The following KIF7 variants were observed in gnomAD, a reference collection of about 807,000 sequenced individuals.
KIF7 encodes kinesin-like protein KIF7.
A neutral mutation model predicts 135.7 loss-of-function variants in KIF7; 104 were observed. The observed-to-expected ratio is 0.77, with a 90% CI of 0.65 to 0.90. KIF7 has a LOEUF of 0.90. KIF7 is among the 40% of genes least tolerant of loss of function. The probability of loss-of-function intolerance (pLI) is 0.00; values close to 1 mark genes in which losing one functional copy is unlikely to be tolerated. For synonymous variants in KIF7, 883 were observed against 809.4 expected (o/e 1.09, Z -1.54); for missense variants, 2,005 against 1,839.1 (o/e 1.09, Z -1.65).
At chr15:89,647,187 C>CAT in intron 6 of KIF7, 130 bp from the exon 7 acceptor site, 2 of 773,410 alleles carry the variant, frequency 2.6e-6, no homozygotes, top group Non-Finnish European at 4.4e-6. Flanking sequence ...AAATACTCCT[C>CAT]TCCTCCCCAA....
intron 18 of KIF7, 24 bp downstream of exon 18, chr15:89,628,952 C>G: frequency 6.2e-7 from 1 of 1,613,950 alleles, no homozygotes; most frequent in Non-Finnish European, 8.5e-7. Context: ...ACAGGTCTGA[C>G]TTCAGAGCGC....
At chr15:89,631,168 C>T (rs531307508) in intron 15 of KIF7, 1 of 350,314 alleles carries the variant, frequency 2.9e-6, no homozygotes, top group East Asian at 5.3e-5. Context: ...ATGAGGTGCA[C>T]TGAGTATGCG....
chr15:89,617,794 C>T (rs551772662), intron 2 of KIF7, among the ~76,000 whole-genome samples: 4 of 151,008 alleles, frequency 2.6e-5, no homozygotes, highest in South Asian at 2.1e-4. Context: ...CGGGTTCAAG[C>T]GATTCTCTTG....
intron 1 of KIF7, among the ~76,000 whole-genome samples, chr15:89,618,951 A>G (rs988703193): frequency 1.3e-5 from 2 of 152,174 alleles, no homozygotes; most frequent in African/African-American, 4.8e-5. Context: ...GAGCAAGACC[A>G]TGTCTCTAAA....
In KIF7 at chr15:89,649,721, A is replaced by C; in HGVS notation, c.529+20T>G. 1.3e-6 allele frequency: 2 copies of C among 1,550,456 alleles called. No homozygotes were observed. Among genetic ancestry groups the C allele is most frequent in the Non-Finnish European group, 1.7e-6 (2 of 1,146,142 alleles). ...CCCCTAAGCCCCTCTCCGTCAGTGG[A>C]GGACCCCAGAGTTCCTCACCAACAT... On this transcript the variant is annotated intron_variant, in intron 3 of 18. Coordinates refer to ENST00000394412, the MANE Select transcript of KIF7 (RefSeq NM_198525.3).
Position 89,652,062 on chromosome 15 carries a change from T to C in KIF7, c.328+541A>G, listed in dbSNP as rs146002794. Among the ~76,000 whole-genome samples, 312 of 152,302 alleles carry C rather than the reference T, an allele frequency of 2.0e-3. 2 individuals carry two copies. The highest frequency in any genetic ancestry group is 7.3e-3 in the African/African-American group (303 of 41,562). ...CCCAGTCTATGGTATTCTGTTATAGTGAAGGGAGCAGAGCAAGGCAGTAAC... is the reference window on the plus strand; with the variant it reads ...CCCAGTCTATGGTATTCTGTTATAGCGAAGGGAGCAGAGCAAGGCAGTAAC... On this transcript the variant is annotated intron_variant, in intron 2 of 18. Transcript: ENST00000394412.
intron 10 of KIF7, among the ~76,000 whole-genome samples, chr15:89,644,076 T>C (rs112455131): frequency 1.3e-5 from 2 of 152,038 alleles, no homozygotes; most frequent in Admixed American, 6.6e-5. Flanking sequence ...GTAAAACAAC[T>C]GTGGAAAACT....
Position 89,642,519 on chromosome 15 carries a change from C to G in KIF7, c.2192-114G>C, listed in dbSNP as rs1963942721. 6 of 729,934 alleles carry G rather than the reference C, an allele frequency of 8.2e-6. No individual in the cohort carries two copies. The South Asian group carries it at 1.1e-4, about 13-fold the overall frequency. The allele number at this position is 729,934 out of a possible 1,614,324, so 45.2% of individuals were successfully genotyped here. The stretch of plus-strand genomic sequence containing the variant: ...GGACACCTGTGTGGGTTTCACCAAG[C>G]CTTTGCACCACCAGTACCACAGTTT... On this transcript the variant is annotated intron_variant, in intron 10 of 18. Transcript: ENST00000394412.
Position 89,652,794 on chromosome 15 carries a change from C to T in KIF7, c.137G>A (p.Arg46His), listed in dbSNP as rs959891471. Residue 46 changes from arginine to histidine, a missense_variant, in exon 2 of 19, where the codon CGC (arginine) becomes CAC (histidine). Arg to His is a conservative substitution (Grantham distance 29). Transcript: ENST00000394412. ...SCLQVEPGLG[R>H]VTLGRDRHFG... ...GTGTCGGTCACGGCCCAGAGTGACG[C>T]GGCCAAGCCCTGGCTCCACCTGCAG... The T allele has an allele frequency of 2.3e-5, 36 of 1,551,152 alleles. No individual in the cohort carries two copies. The Admixed American group carries it at 2.4e-4, about 10-fold the overall frequency.
chr15:89,631,781 G>A, intron 14 of KIF7, 71 bp from the exon 15 acceptor site: 1 of 1,336,458 alleles, frequency 7.5e-7, no homozygotes. Context: ...GAAAGGGCCG[G>A]ATGTTAAGGA....
At chr15:89,640,759 G>A (rs1407483591) in intron 11 of KIF7, among the ~76,000 whole-genome samples, 2 of 151,052 alleles carry the variant, frequency 1.3e-5, no homozygotes, top group East Asian at 3.9e-4. Context: ...GCCAAGATAA[G>A]TGGATCACCT....
chr15:89,622,162 T>G (rs1397559998), intron 1 of KIF7, among the ~76,000 whole-genome samples: 1 of 152,084 alleles, frequency 6.6e-6, no homozygotes, highest in East Asian at 1.9e-4. Flanking sequence ...ATTTTTGTGC[T>G]TTTAGTAGAG....
rs1313323843 is a variant in KIF7 at position 89,647,675 on chromosome 15, T to C, written c.1481A>G (p.Asn494Ser). ...EGAQQLLTLQNQVARLEEENR... is the reference protein window; with the variant it reads ...EGAQQLLTLQSQVARLEEENR... ...CTCCTCCTCCAGCCGCGCCACCTGG[T>C]TCTGCAGGGTCAGCAGCTGCTGCGC... The change falls in exon 6 of 19, where the codon AAC becomes AGC. Residue 494 changes from asparagine to serine, a missense_variant. Transcript: ENST00000394412. 3 of 1,606,358 alleles carry C rather than the reference T, an allele frequency of 1.9e-6. No homozygotes were observed. The highest frequency in any genetic ancestry group is 1.7e-6 in the Non-Finnish European group (2 of 1,177,948).
intron 14 of KIF7, among the ~76,000 whole-genome samples, chr15:89,632,131 G>T (rs1963692876): frequency 6.6e-6 from 1 of 152,234 alleles, no homozygotes; most frequent in East Asian, 1.9e-4. Context: ...ATTCCAGTAG[G>T]ACCCTGGATC....
Position 89,629,466 on chromosome 15 carries a change from C to T in KIF7, c.3426G>A (p.Leu1142=), listed in dbSNP as rs375657232. 3.7e-6 allele frequency: 6 copies of T among 1,610,184 alleles called. No homozygotes were observed. The highest frequency in any genetic ancestry group is 1.1e-5 in the South Asian group (1 of 91,084). ...GGTCCATCTCCAGGCGCTGCCGCTC[C>T]AGGGCCACCTCCAGCCAGTACACCA... ...QRLVYWLEVA[L]ERQRLEMDRQ... Residue 1142 remains leucine (L), a synonymous_variant, in exon 17 of 19, where the codon CTG becomes CTA. Coordinates refer to ENST00000394412, the MANE Select transcript of KIF7 (RefSeq NM_198525.3).
Position 89,646,828 on chromosome 15 carries a change from A to ACCTCTCC in KIF7, c.1783_1788+1dup. ...AGACACCCAGCCTCACCCTCTTCTC[A>ACCTCTCC]CCTCTCCCCTCTGCTCAGAGCCAAC... On this transcript the variant is annotated splice_donor_variant, in intron 7 of 18. Transcript: ENST00000394412. LOFTEE classifies it high-confidence loss of function. 1 of 1,613,068 alleles carries ACCTCTCC rather than the reference A, an allele frequency of 6.2e-7. No homozygotes were observed. Among genetic ancestry groups the ACCTCTCC allele is most frequent in the Non-Finnish European group, 8.5e-7 (1 of 1,179,776 alleles).
At chr15:89,619,726 G>C in intron 1 of KIF7, 1 of 1,611,644 alleles carries the variant, frequency 6.2e-7, no homozygotes, top group Non-Finnish European at 8.5e-7. Flanking sequence ...CTGAGACGAA[G>C]TCCTCGAATC....
At position 89,642,471 on chromosome 15, in the gene KIF7, C is replaced by A. The variant is rs971568239; in HGVS notation, c.2192-66G>T. ...CACCGAGAGGGCCAGCTGTTTGTCC[C>A]CCTGGGAGGTTTCCCAGCCCTTGGA... On this transcript the variant is annotated intron_variant, in intron 10 of 18. Transcript: ENST00000394412. 4.1e-6 allele frequency: 6 copies of A among 1,447,574 alleles called. No homozygotes were observed. The Admixed American group carries it at 8.5e-5, about 20-fold the overall frequency. The allele number at this position is 1,447,574 out of a possible 1,614,324, so 89.7% of individuals were successfully genotyped here. A position where few individuals can be genotyped will look rare whatever the true frequency, so the allele number is the denominator to read the frequency against.
chr15:89,623,463 T>C (rs972377491), downstream of KIF7, among the ~76,000 whole-genome samples: 1 of 152,248 alleles, frequency 6.6e-6, no homozygotes, highest in East Asian at 1.9e-4. Flanking sequence ...ATCTGAGTCA[T>C]GTTTTGGAGA....
Sources: gnomAD v4.1 joint callset for allele counts (sites outside exome capture counted in the v4.1 genomes callset) on GRCh38, gnomAD v4.1.1 for gene constraint, MANE v1.5 for transcripts, NCBI Gene and HGNC (gene_info 2026-07-23, HGNC 2026-07-21) for gene names.